ST8SIA1: variants seen among roughly 807,000 people sequenced by gnomAD.
The protein encoded by ST8SIA1 is alpha-N-acetylneuraminide alpha-2,8-sialyltransferase.
In ST8SIA1, 16 loss-of-function variants were observed where a neutral mutation model predicts 35.9. The ratio of observed to expected loss-of-function variants is 0.45; its 90% CI spans 0.30 to 0.68. The LOEUF is 0.68. ST8SIA1 is among the 30% of genes least tolerant of loss of function. The pLI is 0.09. For synonymous variants in ST8SIA1, 170 were observed against 169.6 expected (o/e 1.00, Z -0.02); for missense variants, 383 against 453.6 (o/e 0.84, Z 1.41).
intron 1 of ST8SIA1, among the ~76,000 whole-genome samples, chr12:22,306,874 T>C (rs995038989): frequency 1.3e-5 from 2 of 152,332 alleles, no homozygotes; most frequent in Admixed American, 1.3e-4. Context: ...TTCTGTCCTT[T>C]CAGGAGTGAT....
chr12:22,220,679 C>A (rs1865287559), intron 4 of ST8SIA1, among the ~76,000 whole-genome samples: 1 of 152,174 alleles, frequency 6.6e-6, no homozygotes, highest in South Asian at 2.1e-4. Flanking sequence ...GTGTTGGGGG[C>A]AAATATTTCA....
rs1865142120 is a variant in ST8SIA1 at position 22,208,596 on chromosome 12, CAACATTATTTTA to C, written c.585-6570_585-6559del. On this transcript the variant is annotated intron_variant, in intron 4 of 4. Coordinates refer to ENST00000396037, the MANE Select transcript of ST8SIA1 (RefSeq NM_003034.4). ...TCAAATGCAATCTCAACAAAAATCC[CAACATTATTTTA>C]AAGTAAAATTTGATAAGGTAATTCT... 5.9e-5 allele frequency among the ~76,000 whole-genome samples: 9 copies of C among 152,138 alleles called. No homozygotes were observed. The South Asian group carries it at 1.9e-3, about 32-fold the overall frequency.
chr12:22,197,436 T>C lies in ST8SIA1; in HGVS notation c.*4116A>G, dbSNP rs1865002412. The C allele has an allele frequency of 6.6e-6, 1 of 152,206 alleles. No individual in the cohort carries two copies. Among genetic ancestry groups the C allele is most frequent in the Non-Finnish European group, 1.5e-5 (1 of 68,046 alleles). The allele number at this position is 152,206 out of a possible 1,614,324, so 9.4% of individuals were successfully genotyped here. On this transcript the variant is annotated 3_prime_UTR_variant, in exon 5 of 5. Coordinates refer to ENST00000396037, the MANE Select transcript of ST8SIA1 (RefSeq NM_003034.4). Reference sequence around the variant, plus strand: ...TTAGGTCCCTCCTAACAAGTATTTGTCAGTGAAAAATTTCACAAAGTCAAT... The same window carrying C: ...TTAGGTCCCTCCTAACAAGTATTTGCCAGTGAAAAATTTCACAAAGTCAAT...
rs537526262 is a variant in ST8SIA1 at position 22,196,741 on chromosome 12, C to T, written c.*4811G>A. On this transcript the variant is annotated 3_prime_UTR_variant, in exon 5 of 5. Coordinates refer to ENST00000396037, the MANE Select transcript of ST8SIA1 (RefSeq NM_003034.4). Reference sequence around the variant, plus strand: ...TTTAGAATCACTGGCAGGGCTATAACTAGGTCGGGGTGATCAGACTCTGCC... The same window carrying T: ...TTTAGAATCACTGGCAGGGCTATAATTAGGTCGGGGTGATCAGACTCTGCC... 1.3e-5 allele frequency: 2 copies of T among 152,260 alleles called. No homozygotes were observed. Among genetic ancestry groups the T allele is most frequent in the African/African-American group, 4.8e-5 (2 of 41,430 alleles). 9.4% of individuals were successfully genotyped at this position (152,260 alleles called of 1,614,324 possible). A position where few individuals can be genotyped will look rare whatever the true frequency, so the allele number is the denominator to read the frequency against.
In ST8SIA1 at chr12:22,195,219, AAG is replaced by A. The variant is rs1322727548; in HGVS notation, c.*6331_*6332del. 6 of 151,626 alleles carry A rather than the reference AAG, an allele frequency of 4.0e-5. No homozygotes were observed. Among genetic ancestry groups the A allele is most frequent in the African/African-American group, 1.5e-4 (6 of 41,290 alleles). The allele number at this position is 151,626 out of a possible 1,614,324, so 9.4% of individuals were successfully genotyped here. On this transcript the variant is annotated 3_prime_UTR_variant, in exon 5 of 5. Transcript: ENST00000396037. ...AAAAAAAAAAAAAAAAAAAGAAAGA[AAG>A]AAAGAAAGGAAAAAGAAAACGGGAG...
In ST8SIA1 at chr12:22,196,868, C is replaced by T. The variant is rs997590698; in HGVS notation, c.*4684G>A. ...CTCAGCGAATTTCCACACTACCTCT[C>T]TAGTCACAATGCTACTAGCTCAACT... is the stretch of plus-strand genomic sequence containing the variant. On this transcript the variant is annotated 3_prime_UTR_variant, in exon 5 of 5. Transcript: ENST00000396037. 1.3e-5 allele frequency: 2 copies of T among 152,228 alleles called. No homozygotes were observed. Among genetic ancestry groups the T allele is most frequent in the Non-Finnish European group, 2.9e-5 (2 of 68,082 alleles). The allele number at this position is 152,228 out of a possible 1,614,324, so 9.4% of individuals were successfully genotyped here.
At chr12:22,253,854 T>C (rs578127416) in intron 3 of ST8SIA1, among the ~76,000 whole-genome samples, 8 of 152,212 alleles carry the variant, frequency 5.3e-5, no homozygotes, top group African/African-American at 1.9e-4. Flanking sequence ...AAAAAAAATG[T>C]CTTTCAAGGA....
chr12:22,266,256 A>T (rs568348498), intron 2 of ST8SIA1, among the ~76,000 whole-genome samples: 3 of 151,516 alleles, frequency 2.0e-5, no homozygotes, highest in African/African-American at 7.3e-5. Flanking sequence ...AAGGAATGCT[A>T]AAAAAAACTC....
rs1447455325 is a variant in ST8SIA1, at chr12:22,199,673, T to A, written c.*1879A>T. 6.6e-6 allele frequency: 1 copy of A among 152,210 alleles called. No individual in the cohort carries two copies. The highest frequency in any genetic ancestry group is 1.5e-5 in the Non-Finnish European group (1 of 68,038). The allele number at this position is 152,210 out of a possible 1,614,324, so 9.4% of individuals were successfully genotyped here. ...TCTAATTTTTATAATAACCTCACTA[T>A]TTAATTGCATTTAGAAATGGTCTAC... On this transcript the variant is annotated 3_prime_UTR_variant, in exon 5 of 5. Coordinates refer to ENST00000396037, the MANE Select transcript of ST8SIA1 (RefSeq NM_003034.4).
intron 4 of ST8SIA1, among the ~76,000 whole-genome samples, chr12:22,226,312 T>C (rs1865356835): frequency 6.6e-6 from 1 of 152,220 alleles, no homozygotes. Flanking sequence ...TCTTACTCCA[T>C]TGTAGGTAAA....
chr12:22,243,588 C>CGA (rs1865564592), intron 4 of ST8SIA1, among the ~76,000 whole-genome samples: 5 of 69,946 alleles, frequency 7.1e-5, no homozygotes, highest in Non-Finnish European at 1.3e-4. Context: ...CTGTATTTAA[C>CGA]CAAGTTTCCA....
At chr12:22,294,697 G>GA (rs1866221648) in intron 1 of ST8SIA1, among the ~76,000 whole-genome samples, 1 of 152,192 alleles carries the variant, frequency 6.6e-6, no homozygotes, top group African/African-American at 2.4e-5. Flanking sequence ...TGTTTCTCTA[G>GA]TAAGGGCAGA....
rs530331044 is a variant in ST8SIA1 at position 22,204,537 on chromosome 12, G to A, written c.585-2499C>T. Among the ~76,000 whole-genome samples, 16 of 152,170 alleles carry A rather than the reference G, an allele frequency of 1.1e-4. 1 individual carries two copies. In the East Asian group the frequency reaches 2.7e-3, roughly 26 times the overall value. On this transcript the variant is annotated intron_variant, in intron 4 of 4. Coordinates refer to ENST00000396037, the MANE Select transcript of ST8SIA1 (RefSeq NM_003034.4). ...GGCTCCCATTTCACAGGGCCCTGCT[G>A]GCTGATGGAACTGATCCCTGTCTCT... is the stretch of plus-strand genomic sequence containing the variant.
intron 1 of ST8SIA1, among the ~76,000 whole-genome samples, chr12:22,328,742 C>A (rs538656530): frequency 6.6e-6 from 1 of 152,102 alleles, no homozygotes; most frequent in Non-Finnish European, 1.5e-5. Context: ...CACCTTGAGG[C>A]GAACTAACAA....
chr12:22,200,841 C>A lies in ST8SIA1; in HGVS notation c.*711G>T, dbSNP rs1865041420. ...CCTAAATTCTGAGGAAGGAAAGTGG[C>A]TCCTGTTATCCAGACTATGAAGCAA... On this transcript the variant is annotated 3_prime_UTR_variant, in exon 5 of 5. Coordinates refer to ENST00000396037, the MANE Select transcript of ST8SIA1 (RefSeq NM_003034.4). 1 of 152,088 alleles carries A rather than the reference C, an allele frequency of 6.6e-6. No individual in the cohort carries two copies. Among genetic ancestry groups the A allele is most frequent in the Non-Finnish European group, 1.5e-5 (1 of 68,014 alleles). The allele number at this position is 152,088 out of a possible 1,614,324, so 9.4% of individuals were successfully genotyped here.
chr12:22,333,830 A>G (rs757634398), intron 1 of ST8SIA1, 167 bp downstream of exon 1: 1 of 788,814 alleles, frequency 1.3e-6, no homozygotes, highest in South Asian at 1.3e-5. Context: ...AACCCTGACT[A>G]AAGTCTCCAG....
chr12:22,241,567 T>G (rs1022810449), intron 4 of ST8SIA1, among the ~76,000 whole-genome samples: 5 of 150,582 alleles, frequency 3.3e-5, no homozygotes, highest in Non-Finnish European at 5.9e-5. Context: ...CAATTAAACC[T>G]CTTTTCTTTA....
Position 22,328,266 on chromosome 12 carries a change from C to T in ST8SIA1, c.236+5731G>A, listed in dbSNP as rs373825282. On this transcript the variant is annotated intron_variant, in intron 1 of 4. Transcript: ENST00000396037. Reference sequence around the variant, plus strand: ...GTAGGTCTCATTAAATATTTGTTGACCAATTGGGTGGCTATCTGGTTCCAC... The same window carrying T: ...GTAGGTCTCATTAAATATTTGTTGATCAATTGGGTGGCTATCTGGTTCCAC... 4.9e-4 allele frequency among the ~76,000 whole-genome samples: 74 copies of T among 152,296 alleles called. 1 individual carries two copies. Among genetic ancestry groups the T allele is most frequent in the African/African-American group, 1.7e-3 (72 of 41,576 alleles).
chr12:22,283,571 C>T (rs538876854), intron 2 of ST8SIA1, among the ~76,000 whole-genome samples: 10 of 152,290 alleles, frequency 6.6e-5, no homozygotes, highest in South Asian at 6.2e-4. Context: ...ACACATACAT[C>T]GCATGTTTTA....
Sources: gnomAD v4.1 joint callset for allele counts (sites outside exome capture counted in the v4.1 genomes callset) on GRCh38, gnomAD v4.1.1 for gene constraint, MANE v1.5 for transcripts, NCBI Gene and HGNC (gene_info 2026-07-23, HGNC 2026-07-21) for gene names.